CEP128: variants seen among roughly 807,000 people sequenced by gnomAD.
CEP128 encodes centrosomal protein 128kDa.
Under a neutral mutation model 156.7 loss-of-function variants are expected in CEP128, and 132 were observed. That is an observed-to-expected ratio of 0.84 (90% CI 0.73 to 0.97). The LOEUF is 0.97. Ranked by LOEUF, CEP128 falls within the 50% of genes least tolerant of loss-of-function variation. The probability of loss-of-function intolerance (pLI) is 0.00; values close to 1 mark genes in which losing one functional copy is unlikely to be tolerated. For synonymous variants in CEP128, 469 were observed against 448.9 expected (o/e 1.04, Z -0.57); for missense variants, 1,252 against 1,281.9 (o/e 0.98, Z 0.36).
At chr14:80,511,231 G>C (rs1232306851) in intron 23 of CEP128, among the ~76,000 whole-genome samples, 1 of 151,872 alleles carries the variant, frequency 6.6e-6, no homozygotes, top group East Asian at 1.9e-4. Context: ...AAGCCATCAG[G>C]TCCCAGGCTT....
intron 19 of CEP128, among the ~76,000 whole-genome samples, chr14:80,713,991 C>A (rs1384432592): frequency 2.0e-5 from 3 of 152,050 alleles, no homozygotes; most frequent in African/African-American, 7.3e-5. Flanking sequence ...TCTCACTCTG[C>A]TGAGTAGTGA....
intron 8 of CEP128, among the ~76,000 whole-genome samples, chr14:80,864,561 A>ATTTTTT (rs559840411): frequency 6.9e-6 from 1 of 144,800 alleles, no homozygotes; most frequent in Non-Finnish European, 1.5e-5. Flanking sequence ...TTGTTTCTCA[A>ATTTTTT]TTTTTTTTTT....
intron 2 of CEP128, among the ~76,000 whole-genome samples, chr14:80,951,758 G>A (rs1186733572): frequency 3.9e-5 from 6 of 152,018 alleles, no homozygotes; most frequent in African/African-American, 1.2e-4. Context: ...CTATTTATAA[G>A]AACTGCACAT....
intron 19 of CEP128, among the ~76,000 whole-genome samples, chr14:80,715,567 C>T (rs1051953372): frequency 7.9e-5 from 12 of 151,984 alleles, no homozygotes; most frequent in South Asian, 2.1e-4. Context: ...GGAGGTGACA[C>T]GGAAGCCAAG....
At chr14:80,889,917 A>G (rs1210208161) in intron 8 of CEP128, among the ~76,000 whole-genome samples, 2 of 152,226 alleles carry the variant, frequency 1.3e-5, no homozygotes, top group Non-Finnish European at 2.9e-5. Flanking sequence ...AAGGAACTTA[A>G]ACATATTTAC....
intron 23 of CEP128, among the ~76,000 whole-genome samples, chr14:80,509,795 T>G (rs1321104618): frequency 6.6e-6 from 1 of 152,188 alleles, no homozygotes; most frequent in Non-Finnish European, 1.5e-5. Context: ...TGATTTGAAT[T>G]TTATATATGA....
intron 4 of CEP128, among the ~76,000 whole-genome samples, chr14:80,914,031 C>T (rs1884402955): frequency 6.6e-6 from 1 of 152,182 alleles, no homozygotes. Flanking sequence ...CTTAACTCTA[C>T]ATGAGGGGTC....
At chr14:80,754,382 A>G (rs1388835481) in intron 18 of CEP128, among the ~76,000 whole-genome samples, 2 of 149,088 alleles carry the variant, frequency 1.3e-5, no homozygotes, top group East Asian at 3.9e-4. Context: ...GCATACTTCT[A>G]TTACAGCTCC....
intron 14 of CEP128, among the ~76,000 whole-genome samples, chr14:80,485,268 T>C (rs897396304): frequency 6.6e-6 from 1 of 152,142 alleles, no homozygotes; most frequent in Non-Finnish European, 1.5e-5. Flanking sequence ...CATTTTGCGG[T>C]TGTATGGCTT....
chr14:80,706,184 T>C (rs575852317), intron 19 of CEP128, among the ~76,000 whole-genome samples: 7 of 152,142 alleles, frequency 4.6e-5, no homozygotes, highest in South Asian at 4.1e-4. Flanking sequence ...AAAAAACATA[T>C]AGAAAAAGCA....
chr14:80,841,482 C>T, intron 9 of CEP128, among the ~76,000 whole-genome samples: 1 of 152,008 alleles, frequency 6.6e-6, no homozygotes, highest in East Asian at 1.9e-4. Context: ...GGCAGAGAGG[C>T]ATCAACAAAA....
chr14:80,941,752 C>G (rs1055799066), upstream of CEP128: 4 of 152,834 alleles, frequency 2.6e-5, no homozygotes, highest in African/African-American at 9.7e-5. Context: ...CGCCCAGCCA[C>G]AGCAAGAGTA....
At chr14:80,849,756 T>A (rs1014151941) in intron 9 of CEP128, among the ~76,000 whole-genome samples, 2 of 152,086 alleles carry the variant, frequency 1.3e-5, no homozygotes, top group African/African-American at 4.8e-5. Flanking sequence ...GGATAATCTA[T>A]CTGTTGGATA....
Position 80,719,669 on chromosome 14 carries a change from A to G in CEP128, c.2806+23406T>C, listed in dbSNP as rs1897740866. 2.0e-5 allele frequency among the ~76,000 whole-genome samples: 3 copies of G among 152,224 alleles called. No homozygotes were observed. In the South Asian group the frequency reaches 6.2e-4, roughly 31 times the overall value. ...CAGAATTCATTAGAAGAAAGAGGGG[A>G]CATAGGACTAAAAAGTCACCCCAAT... On this transcript the variant is annotated intron_variant, in intron 19 of 24. Transcript: ENST00000555265.
chr14:80,604,003 T>C (rs1892682667), intron 19 of CEP128, among the ~76,000 whole-genome samples: 1 of 152,200 alleles, frequency 6.6e-6, no homozygotes, highest in Non-Finnish European at 1.5e-5. Context: ...AAATGAATGT[T>C]ACAGGTAAAA....
At chr14:80,729,451 T>C (rs1428520803) in intron 19 of CEP128, among the ~76,000 whole-genome samples, 1 of 152,158 alleles carries the variant, frequency 6.6e-6, no homozygotes, top group Non-Finnish European at 1.5e-5. Flanking sequence ...TTCTACATTT[T>C]TGCAATTGCA....
chr14:80,915,805 C>T (rs1260474665), intron 3 of CEP128, among the ~76,000 whole-genome samples: 1 of 152,232 alleles, frequency 6.6e-6, no homozygotes, highest in Non-Finnish European at 1.5e-5. Context: ...CCCTAAAACA[C>T]TCTCCACCAC....
chr14:80,637,640 T>C (rs1406873146), intron 19 of CEP128, among the ~76,000 whole-genome samples: 1 of 152,172 alleles, frequency 6.6e-6, no homozygotes, highest in Non-Finnish European at 1.5e-5. Context: ...ATCTTCTTTA[T>C]AAAAACTGAA....
intron 9 of CEP128, among the ~76,000 whole-genome samples, chr14:80,857,655 C>G (rs1262792361): frequency 6.6e-6 from 1 of 151,104 alleles, no homozygotes; most frequent in African/African-American, 2.4e-5. Context: ...GTGGCAGAAT[C>G]TCTTGAACCC....
Sources: allele counts gnomAD v4.1 joint callset (sites outside exome capture counted in the v4.1 genomes callset), GRCh38; gene constraint gnomAD v4.1.1; transcripts MANE v1.5; gene names NCBI Gene and HGNC (gene_info 2026-07-23, HGNC 2026-07-21).